The following SLC25A27 variants were observed in gnomAD, a reference collection of about 807,000 sequenced individuals.
The protein encoded by SLC25A27 is mitochondrial uncoupling protein 4.
SLC25A27 carries 35 observed loss-of-function variants against 49.1 expected under a neutral mutation model. That is an observed-to-expected ratio of 0.71 (90% confidence interval 0.54 to 0.95). The LOEUF (loss-of-function observed/expected upper bound fraction) is 0.95, where lower values mean the gene tolerates loss of function less well. SLC25A27 is among the 40% of genes least tolerant of loss of function. The pLI, the probability that SLC25A27 is intolerant of heterozygous loss-of-function variation, is 0.00. For missense variants in SLC25A27, 339 were observed against 397.1 expected (o/e 0.85, Z 1.24); for synonymous variants, 144 against 136.9 (o/e 1.05, Z -0.36).
At chr6:46,665,158 C>G (rs1306907401) in intron 5 of SLC25A27, among the ~76,000 whole-genome samples, 1 of 152,076 alleles carries the variant, frequency 6.6e-6, no homozygotes, top group Non-Finnish European at 1.5e-5. Flanking sequence ...GTAAGGCCTC[C>G]CCTCCAGTCC....
At chr6:46,666,284 G>A (rs140719986) in intron 5 of SLC25A27, among the ~76,000 whole-genome samples, 2 of 152,156 alleles carry the variant, frequency 1.3e-5, no homozygotes, top group East Asian at 3.9e-4. Context: ...GCCTGCTACT[G>A]CATGTCCATA....
At chr6:46,658,798 G>A (rs1045973764) in intron 2 of SLC25A27, 164 bp from the exon 3 acceptor site, 5 of 628,460 alleles carry the variant, frequency 8.0e-6, no homozygotes, top group African/African-American at 7.4e-5. Flanking sequence ...CCCATTTGGA[G>A]AAGCATCAAG....
At chr6:46,673,079 G>A (rs142717562) in intron 8 of SLC25A27, among the ~76,000 whole-genome samples, 161 of 152,222 alleles carry the variant, frequency 1.1e-3, no homozygotes, top group Non-Finnish European at 1.8e-3. Flanking sequence ...ACTGTTATAA[G>A]TGCTGGTAAC....
chr6:46,662,558 C>A, intron 4 of SLC25A27, 60 bp downstream of exon 4: 5 of 1,550,358 alleles, frequency 3.2e-6, no homozygotes, highest in Non-Finnish European at 3.5e-6. Context: ...ATATTTTTAA[C>A]AAGTACCTAA....
intron 8 of SLC25A27, among the ~76,000 whole-genome samples, chr6:46,671,791 T>A (rs912176366): frequency 6.6e-5 from 10 of 152,104 alleles, no homozygotes; most frequent in African/African-American, 2.4e-4. Context: ...AATATAGAAT[T>A]CTAATTCTAT....
At chr6:46,653,607 A>G in intron 1 of SLC25A27, 2 of 985,370 alleles carry the variant, frequency 2.0e-6, no homozygotes, top group Non-Finnish European at 2.4e-6. Flanking sequence ...TTTCATGAGG[A>G]TGACCTTTTT....
chr6:46,657,085 G>A (rs903566853), intron 2 of SLC25A27, among the ~76,000 whole-genome samples: 82 of 152,178 alleles, frequency 5.4e-4, no homozygotes, highest in Non-Finnish European at 1.5e-5. Context: ...AAAACAGCTT[G>A]AATCCAGGAA....
intron 4 of SLC25A27, among the ~76,000 whole-genome samples, 177 bp from the exon 5 acceptor site, chr6:46,664,597 A>T (rs1367721305): frequency 6.6e-6 from 1 of 152,226 alleles, no homozygotes; most frequent in East Asian, 1.9e-4. Context: ...CTAAAGGATT[A>T]TTATGTTTAT....
rs942044441 is a variant in SLC25A27, at chr6:46,655,943, G to C, written c.207G>C (p.Arg69Ser). 1.2e-5 allele frequency: 19 copies of C among 1,613,856 alleles called. No individual in the cohort carries two copies. Among genetic ancestry groups the C allele is most frequent in the Non-Finnish European group, 1.5e-5 (18 of 1,179,988 alleles). Residue 69 changes from arginine to serine, a missense_variant, in exon 2 of 9, where the codon AGG (arginine) becomes AGC (serine). Arg to Ser is a moderately radical substitution (Grantham distance 110). Transcript: ENST00000371347. ...GDGARESAPY[R>S]GMVRTALGII... ...GTGCAAGAGAATCTGCCCCCTATAG[G>C]GGAATGGTGCGCACAGCTCTAGGGA... is the stretch of plus-strand genomic sequence containing the variant.
At chr6:46,663,620 ATCAC>A (rs1763234169) in intron 4 of SLC25A27, among the ~76,000 whole-genome samples, 1 of 152,214 alleles carries the variant, frequency 6.6e-6, no homozygotes, top group South Asian at 2.1e-4. Context: ...TTTTTAACTG[ATCAC>A]TCAGTTTTTT....
intron 3 of SLC25A27, among the ~76,000 whole-genome samples, chr6:46,659,323 C>T (rs912056424): frequency 4.6e-5 from 7 of 152,120 alleles, no homozygotes; most frequent in Admixed American, 3.3e-4. Context: ...TAAGAACTCT[C>T]GGCTTTAGAG....
In SLC25A27 at chr6:46,678,039, T is replaced by TATATATATATATATATATATAC. The variant is rs1763864283; in HGVS notation, c.*1606_*1607insCATATATATATATATATATATA. 1 of 60,642 alleles carries TATATATATATATATATATATAC rather than the reference T, an allele frequency of 1.6e-5. No homozygotes were observed. The highest frequency in any genetic ancestry group is 3.5e-5 in the Non-Finnish European group (1 of 28,838). The allele number at this position is 60,642 out of a possible 1,614,324, so 3.8% of individuals were successfully genotyped here. ...ATTGCGTTGTAAAATATTATATATA[T>TATATATATATATATATATATAC]ATATATATATATATATATATATATA... On this transcript the variant is annotated 3_prime_UTR_variant, in exon 9 of 9. Coordinates refer to ENST00000371347, the MANE Select transcript of SLC25A27 (RefSeq NM_004277.5).
At chr6:46,655,675 G>A (rs1327639073) in intron 1 of SLC25A27, among the ~76,000 whole-genome samples, 168 bp from the exon 2 acceptor site, 1 of 151,008 alleles carries the variant, frequency 6.6e-6, no homozygotes, top group Non-Finnish European at 1.5e-5. Flanking sequence ...AGAATCCATG[G>A]GCACGGGGCT....
At chr6:46,667,151 A>T (rs1036083702) in intron 5 of SLC25A27, among the ~76,000 whole-genome samples, 1 of 152,006 alleles carries the variant, frequency 6.6e-6, no homozygotes, top group Non-Finnish European at 1.5e-5. Flanking sequence ...CATTTTCACC[A>T]TCCCTATAAA....
chr6:46,675,295 T>G (rs1297773420), intron 8 of SLC25A27, among the ~76,000 whole-genome samples: 1 of 152,186 alleles, frequency 6.6e-6, no homozygotes, highest in East Asian at 1.9e-4. Context: ...TAAGAATGAT[T>G]GCATAGGGGT....
At chr6:46,675,373 A>C (rs1763734799) in intron 8 of SLC25A27, among the ~76,000 whole-genome samples, 1 of 152,166 alleles carries the variant, frequency 6.6e-6, no homozygotes, top group Admixed American at 6.6e-5. Flanking sequence ...TTTTATTACA[A>C]GAATATGGTA....
Position 46,670,157 on chromosome 6 carries a change from T to C in SLC25A27, c.727T>C (p.Ser243Pro). The change falls in exon 7 of 9, where the codon TCT becomes CCT. Residue 243 changes from serine to proline, a missense_variant. By Grantham distance (74) the Ser-to-Pro change is moderately conservative (BLOSUM62 -1). Coordinates refer to ENST00000371347, the MANE Select transcript of SLC25A27 (RefSeq NM_004277.5). Reference sequence around the variant, plus strand: ...TAGTTTATGTTCTGGACTGGTAGCTTCTATTCTGGGAACACCAGCCGATGT... The same window carrying C: ...TAGTTTATGTTCTGGACTGGTAGCTCCTATTCTGGGAACACCAGCCGATGT... ...LSSLCSGLVASILGTPADVIK... is the reference protein window; with the variant it reads ...LSSLCSGLVAPILGTPADVIK... 6.2e-7 allele frequency: 1 copy of C among 1,612,554 alleles called. No homozygotes were observed. Among genetic ancestry groups the C allele is most frequent in the Admixed American group, 1.7e-5 (1 of 59,898 alleles).
intron 1 of SLC25A27, 42 bp from the exon 2 acceptor site, chr6:46,655,801 C>T: frequency 2.6e-6 from 4 of 1,559,532 alleles, no homozygotes; most frequent in Non-Finnish European, 2.6e-6. Flanking sequence ...GTTTGTTTCT[C>T]TGAATGTTGT....
chr6:46,667,092 C>T (rs1402327659), intron 5 of SLC25A27, among the ~76,000 whole-genome samples: 1 of 152,180 alleles, frequency 6.6e-6, no homozygotes, highest in Non-Finnish European at 1.5e-5. Flanking sequence ...CTGATTTTAT[C>T]AAGATTACCT....
Sources: allele counts gnomAD v4.1 joint callset (sites outside exome capture counted in the v4.1 genomes callset), GRCh38; gene constraint gnomAD v4.1.1; transcripts MANE v1.5; gene names NCBI Gene and HGNC (gene_info 2026-07-23, HGNC 2026-07-21).